CYREN: variants seen among roughly 807,000 people sequenced by gnomAD.
CYREN encodes cell cycle regulator of non-homologous end joining.
Under a neutral mutation model 9.7 loss-of-function variants are expected in CYREN, and 7 were observed. That is an observed-to-expected ratio of 0.72 (90% confidence interval 0.41 to 1.36). The LOEUF (loss-of-function observed/expected upper bound fraction) is 1.36, where lower values mean the gene tolerates loss of function less well. Among genes scored for constraint, CYREN ranks in the 40% most tolerant of loss-of-function variants. The pLI, the probability that CYREN is intolerant of heterozygous loss-of-function variation, is 0.01. For missense variants in CYREN, 215 were observed against 198.1 expected, an observed-to-expected ratio of 1.09 and a Z score of -0.51; for synonymous variants, 76 against 77.9, an observed-to-expected ratio of 0.98 and a Z score of 0.13.
intron 2 of CYREN, among the ~76,000 whole-genome samples, chr7:135,137,357 G>A (rs973146991): frequency 6.6e-6 from 1 of 151,860 alleles, no homozygotes; most frequent in Admixed American, 6.6e-5. Flanking sequence ...CTTAAATGCA[G>A]AGCAAAAAAG....
chr7:135,166,739 G>A lies in CYREN; in HGVS notation c.346C>T (p.Gln116Ter), dbSNP rs747815832. 13 of 1,614,032 alleles carry A rather than the reference G, an allele frequency of 8.1e-6. No homozygotes were observed. Among genetic ancestry groups the A allele is most frequent in the Non-Finnish European group, 1.0e-5 (12 of 1,180,038 alleles). The change falls in exon 4 of 4, where the codon CAG becomes TAG. Residue 116 changes from glutamine to a stop codon, truncating the protein, a stop_gained. Transcript: ENST00000393114. LOFTEE classifies it low-confidence loss of function (END_TRUNC). The stretch of plus-strand genomic sequence containing the variant: ...GGGCTGAGGCCTGGAGCCAGTGCCT[G>A]TTTCCCACTGTCCTCTTCCTCACTG... ...SSSEEEDSGK[Q>*]ALAPGLSPSQ...
intron 2 of CYREN, among the ~76,000 whole-genome samples, chr7:135,111,566 A>T (rs1825638347): frequency 6.6e-6 from 1 of 151,822 alleles, no homozygotes; most frequent in African/African-American, 2.4e-5. Flanking sequence ...CTAATGTTGT[A>T]CACGTCTGTT....
intron 2 of CYREN, among the ~76,000 whole-genome samples, chr7:135,127,342 G>A (rs1828022388): frequency 6.6e-6 from 1 of 151,632 alleles, no homozygotes; most frequent in South Asian, 2.1e-4. Context: ...GGATCACGAG[G>A]TCAGAATATC....
intron 2 of CYREN, among the ~76,000 whole-genome samples, chr7:135,157,338 C>T (rs1305461139): frequency 6.6e-6 from 1 of 152,188 alleles, no homozygotes; most frequent in Non-Finnish European, 1.5e-5. Context: ...GGCATAGGGT[C>T]AGTGTTCTCT....
chr7:135,121,868 G>C (rs1325609257), intron 2 of CYREN, among the ~76,000 whole-genome samples: 1 of 152,180 alleles, frequency 6.6e-6, no homozygotes, highest in Admixed American at 6.5e-5. Context: ...ACCCAGCCGG[G>C]GAAACCGTGC....
In CYREN at chr7:135,129,414, G is replaced by T. The variant is rs914623373; in HGVS notation, n.357-34832C>A. The T allele has an allele frequency of 1.0e-4, 82 of 802,066 alleles. No homozygotes were observed. The African/African-American group carries it at 1.2e-3, about 12-fold the overall frequency. 49.7% of individuals were successfully genotyped at this position (802,066 alleles called of 1,614,324 possible). ...TTTGGAACAAAGGTATGATAAGAGG[G>T]TGATTCAGAAGGCACTGGAAGAGAT... On this transcript the variant is annotated intron_variant and non_coding_transcript_variant, in intron 2 of 2. Transcript: ENST00000459937.
Position 135,168,928 on chromosome 7 carries a change from T to C in CYREN, c.-6A>G. 6.3e-7 allele frequency: 1 copy of C among 1,578,296 alleles called. No individual in the cohort carries two copies. The highest frequency in any genetic ancestry group is 8.6e-7 in the Non-Finnish European group (1 of 1,162,716). On this transcript the variant is annotated 5_prime_UTR_variant, in exon 2 of 4. Coordinates refer to ENST00000393114, the MANE Select transcript of CYREN (RefSeq NM_024033.4). Reference sequence around the variant, plus strand: ...TCGGATTGTAAGGTTTCCATCTCTGTACCTTCTCACAAAGAAGAGTCAGGG... The same window carrying C: ...TCGGATTGTAAGGTTTCCATCTCTGCACCTTCTCACAAAGAAGAGTCAGGG...
At chr7:135,164,528 T>A (rs292501), downstream of CYREN, 1,589,544 of 1,614,190 alleles carry the variant, frequency 0.98, 784,743 homozygotes, top group Non-Finnish European at 1. Context: ...GCCTGATGTT[T>A]TACGCTCTTC....
chr7:135,121,511 C>A, intron 2 of CYREN, among the ~76,000 whole-genome samples: 1 of 141,848 alleles, frequency 7.0e-6, no homozygotes, highest in African/African-American at 2.6e-5. Context: ...TATCTGACCA[C>A]AATGGAATCC....
intron 2 of CYREN, chr7:135,099,882 C>CTTTTTTTTTTT (rs34324217): frequency 1.6e-5 from 1 of 62,700 alleles, no homozygotes; most frequent in South Asian, 8.5e-4. Context: ...CTGAGTTTCT[C>CTTTTTTTTTTT]TTTTTTTTTT....
chr7:135,166,734 T>C lies in CYREN; in HGVS notation c.351A>G (p.Ala117=). The change falls in exon 4 of 4, where the codon GCA becomes GCG. Residue 117 remains alanine, a synonymous_variant. Coordinates refer to ENST00000393114, the MANE Select transcript of CYREN (RefSeq NM_024033.4). ...GGGAAGGGCTGAGGCCTGGAGCCAGTGCCTGTTTCCCACTGTCCTCTTCCT... is the reference window on the plus strand; with the variant it reads ...GGGAAGGGCTGAGGCCTGGAGCCAGCGCCTGTTTCCCACTGTCCTCTTCCT... ...SSEEEDSGKQ[A]LAPGLSPSQR... is the part of the protein sequence containing the mutation. The C allele has an allele frequency of 1.9e-6, 3 of 1,613,998 alleles. No homozygotes were observed. Among genetic ancestry groups the C allele is most frequent in the South Asian group, 1.1e-5 (1 of 91,090 alleles).
chr7:135,136,666 A>G (rs939737678), intron 2 of CYREN, among the ~76,000 whole-genome samples: 1 of 152,056 alleles, frequency 6.6e-6, no homozygotes, highest in African/African-American at 2.4e-5. Flanking sequence ...TCAAAATTCC[A>G]TTGGCCCTTC....
At chr7:135,129,591 C>T in intron 2 of CYREN, 4 of 772,380 alleles carry the variant, frequency 5.2e-6, no homozygotes, top group Middle Eastern at 3.6e-4. Flanking sequence ...TAGAGCAAAC[C>T]CTTACAAACA....
At chr7:135,119,986 A>G (rs1373693695) in intron 2 of CYREN, among the ~76,000 whole-genome samples, 1 of 152,260 alleles carries the variant, frequency 6.6e-6, no homozygotes, top group Non-Finnish European at 1.5e-5. Flanking sequence ...ACAAAGCACA[A>G]TAATTTTAAT....
At chr7:135,115,809 TTTAA>T (rs1826238693) in intron 2 of CYREN, 1 of 511,170 alleles carries the variant, frequency 2.0e-6, no homozygotes, top group South Asian at 3.1e-5. Flanking sequence ...TCAGGCCTTA[TTTAA>T]TTGATTATTT....
chr7:135,138,982 T>C (rs930671884), intron 2 of CYREN, among the ~76,000 whole-genome samples: 3 of 152,280 alleles, frequency 2.0e-5, no homozygotes, highest in Non-Finnish European at 4.4e-5. Flanking sequence ...ATTTTCTTTA[T>C]TCAGTCCACC....
rs1824106218 is a variant in CYREN, at chr7:135,103,128, A to G, written n.357-8546T>C. ...ACTTAGCCAGACCATCCGCACCTGG[A>G]AATAAGTCATGGCATTCCAGGAATC... On this transcript the variant is annotated intron_variant and non_coding_transcript_variant, in intron 2 of 2. Coordinates refer to the CYREN transcript ENST00000459937. Among the ~76,000 whole-genome samples, 3 of 152,320 alleles carry G rather than the reference A, an allele frequency of 2.0e-5. No homozygotes were observed. The South Asian group carries it at 6.2e-4, about 32-fold the overall frequency.
intron 2 of CYREN, among the ~76,000 whole-genome samples, chr7:135,144,533 C>T (rs1829507510): frequency 1.3e-5 from 2 of 151,956 alleles, no homozygotes; most frequent in South Asian, 4.2e-4. Flanking sequence ...CAACCATAGG[C>T]CAGCTAGGTT....
At chr7:135,144,024 A>C (rs923028226) in intron 2 of CYREN, among the ~76,000 whole-genome samples, 41 of 152,140 alleles carry the variant, frequency 2.7e-4, no homozygotes, top group African/African-American at 9.7e-4. Context: ...TAGGAGGAGA[A>C]GGCTGCCAGC....
Sources: allele counts gnomAD v4.1 joint callset (sites outside exome capture counted in the v4.1 genomes callset), GRCh38; gene constraint gnomAD v4.1.1; transcripts MANE v1.5; gene names NCBI Gene and HGNC (gene_info 2026-07-23, HGNC 2026-07-21).